The following LPP variants were observed in gnomAD, a reference collection of about 807,000 sequenced individuals.
LPP encodes the protein lipoma-preferred partner.
A neutral mutation model predicts 60.4 loss-of-function variants in LPP; 38 were observed. The observed-to-expected ratio is 0.63, with a 90% CI of 0.49 to 0.83. LPP has a LOEUF of 0.83. Among genes scored for constraint, LPP ranks in the 40% least tolerant of loss-of-function variants. The probability of loss-of-function intolerance (pLI) is 0.00; values close to 1 mark genes in which losing one functional copy is unlikely to be tolerated. For missense variants in LPP, 902 were observed against 783.6 expected (o/e 1.15, Z -1.80); for synonymous variants, 328 against 290.8 (o/e 1.13, Z -1.30).
chr3:188,704,697 C>G (rs1865130043), intron 7 of LPP, among the ~76,000 whole-genome samples: 1 of 152,050 alleles, frequency 6.6e-6, no homozygotes, highest in Admixed American at 6.6e-5. Flanking sequence ...AATATATTCC[C>G]CGTGGTCTGT....
intron 3 of LPP, among the ~76,000 whole-genome samples, chr3:188,389,095 G>A (rs1188104783): frequency 6.6e-6 from 1 of 151,898 alleles, no homozygotes. Flanking sequence ...ATATTTCCCT[G>A]ATTATTATTT....
chr3:188,527,029 G>A (rs1820778711), intron 6 of LPP, among the ~76,000 whole-genome samples: 1 of 152,124 alleles, frequency 6.6e-6, no homozygotes, highest in African/African-American at 2.4e-5. Flanking sequence ...CGAGACAGCA[G>A]CAGGGAGTAG....
chr3:188,167,933 TTTTAA>T (rs1250386857), intron 1 of LPP, among the ~76,000 whole-genome samples: 1 of 152,248 alleles, frequency 6.6e-6, no homozygotes, highest in Non-Finnish European at 1.5e-5. Flanking sequence ...CTTATTATTG[TTTTAA>T]TTTGAATTTC....
intron 3 of LPP, among the ~76,000 whole-genome samples, chr3:188,362,035 C>T (rs987810212): frequency 3.9e-5 from 6 of 152,058 alleles, no homozygotes; most frequent in African/African-American, 2.4e-5. Flanking sequence ...TTGCACCAAG[C>T]GAAATGTACA....
intron 8 of LPP, among the ~76,000 whole-genome samples, chr3:188,757,293 A>C (rs909028938): frequency 6.6e-6 from 1 of 152,224 alleles, no homozygotes; most frequent in Non-Finnish European, 1.5e-5. Context: ...GCAAGAGTAG[A>C]TATTTGAGGT....
chr3:188,594,582 A>C (rs1445553063), intron 6 of LPP, among the ~76,000 whole-genome samples: 1 of 152,216 alleles, frequency 6.6e-6, no homozygotes, highest in Non-Finnish European at 1.5e-5. Context: ...TTAGAAAGTG[A>C]TCAGTAAATG....
chr3:188,605,990 G>A (rs576909626), intron 6 of LPP, among the ~76,000 whole-genome samples: 100 of 152,162 alleles, frequency 6.6e-4, no homozygotes, highest in Non-Finnish European at 1.1e-3. Context: ...CGGGTAGGGA[G>A]CAAAATACAT....
chr3:188,251,949 TCA>T (rs1418058109), intron 2 of LPP, among the ~76,000 whole-genome samples: 3 of 149,228 alleles, frequency 2.0e-5, no homozygotes, highest in African/African-American at 7.4e-5. Context: ...TGCCAGTCTC[TCA>T]GATATTTGCT....
intron 8 of LPP, among the ~76,000 whole-genome samples, chr3:188,717,052 G>A (rs951739694): frequency 6.6e-6 from 1 of 152,092 alleles, no homozygotes; most frequent in African/African-American, 2.4e-5. Flanking sequence ...ATTTCCATTT[G>A]GGATATGAAG....
At chr3:188,602,119 C>T (rs1262592282) in intron 6 of LPP, among the ~76,000 whole-genome samples, 2 of 125,412 alleles carry the variant, frequency 1.6e-5, no homozygotes, top group African/African-American at 6.1e-5. Context: ...CACACACACA[C>T]ATATATATAG....
At chr3:188,607,868 C>T (rs1353835815) in intron 6 of LPP, among the ~76,000 whole-genome samples, 1 of 152,086 alleles carries the variant, frequency 6.6e-6, no homozygotes, top group Non-Finnish European at 1.5e-5. Context: ...TTTATACAAT[C>T]ATCTATAAAT....
chr3:188,613,290 A>ATCTATATCTATG (rs1191718872), intron 7 of LPP, among the ~76,000 whole-genome samples: 4 of 142,150 alleles, frequency 2.8e-5, no homozygotes, highest in African/African-American at 1.1e-4. Flanking sequence ...CTATATCTAT[A>ATCTATATCTATG]TCTATATCTA....
At chr3:188,695,008 A>G (rs1210527845) in intron 7 of LPP, among the ~76,000 whole-genome samples, 1 of 152,174 alleles carries the variant, frequency 6.6e-6, no homozygotes, top group African/African-American at 2.4e-5. Flanking sequence ...TCTGGAATTG[A>G]TGACTGGATT....
rs185877023 is a variant in LPP at position 188,852,507 on chromosome 3, C to T, written c.1411-13693C>T. On this transcript the variant is annotated intron_variant, in intron 9 of 11. Coordinates refer to ENST00000617246, the MANE Select transcript of LPP (RefSeq NM_001375462.1). ...AGATGATTAGGTTATGAGGGCTCTC[C>T]CCTTATGAATGGATTGATGCCATTA... Among the ~76,000 whole-genome samples the T allele has an allele frequency of 1.5e-4, 23 of 152,260 alleles. No individual in the cohort carries two copies. In the East Asian group the frequency reaches 4.4e-3, roughly 29 times the overall value.
At chr3:188,694,364 T>C (rs932448553) in intron 7 of LPP, among the ~76,000 whole-genome samples, 4 of 152,156 alleles carry the variant, frequency 2.6e-5, no homozygotes, top group Non-Finnish European at 1.5e-5. Flanking sequence ...ATAAGAGCAG[T>C]TCTACTTCTT....
intron 1 of LPP, among the ~76,000 whole-genome samples, chr3:188,202,490 G>A (rs1466111902): frequency 6.6e-6 from 1 of 152,226 alleles, no homozygotes; most frequent in Non-Finnish European, 1.5e-5. Context: ...CATGTAGGGA[G>A]CAGACTGTGT....
At chr3:188,512,740 GA>G (rs535928000) in intron 5 of LPP, among the ~76,000 whole-genome samples, 3 of 151,580 alleles carry the variant, frequency 2.0e-5, no homozygotes, top group East Asian at 3.9e-4. Context: ...AAGAGTTCAA[GA>G]AAAAAAATAC....
rs188706783 is a variant in LPP, at chr3:188,501,664, G to A, written c.306+16960G>A. ...ATCGGGAGGCTGAGGCAGGAGAATG[G>A]CCTGAACCCTGGAGGCGGAGGTTGC... On this transcript the variant is annotated intron_variant, in intron 5 of 11. Coordinates refer to ENST00000617246, the MANE Select transcript of LPP (RefSeq NM_001375462.1). 1.2e-3 allele frequency among the ~76,000 whole-genome samples: 189 copies of A among 152,120 alleles called. 1 individual carries two copies. Among genetic ancestry groups the A allele is most frequent in the Non-Finnish European group, 2.1e-3 (142 of 67,998 alleles).
intron 6 of LPP, chr3:188,584,545 T>TTTGTG (rs752997019): frequency 8.4e-6 from 1 of 118,754 alleles, no homozygotes; most frequent in African/African-American, 2.9e-5. Flanking sequence ...TTAATTTTAG[T>TTTGTG]CGTGTGTGTG....
Sources: allele counts gnomAD v4.1 joint callset (sites outside exome capture counted in the v4.1 genomes callset), GRCh38; gene constraint gnomAD v4.1.1; transcripts MANE v1.5; gene names NCBI Gene and HGNC (gene_info 2026-07-23, HGNC 2026-07-21).